The following PKHD1 variants were observed in gnomAD, a reference collection of about 807,000 sequenced individuals.
PKHD1 encodes PKHD1 ciliary IPT domain containing fibrocystin/polyductin.
PKHD1 carries 291 observed loss-of-function variants against 412.0 expected under a neutral mutation model. That is an observed-to-expected ratio of 0.71 (90% CI 0.64 to 0.78). PKHD1 has a LOEUF of 0.78. PKHD1 is among the 30% of genes least tolerant of loss of function. The probability of loss-of-function intolerance (pLI) is 0.00; values close to 1 mark genes in which losing one functional copy is unlikely to be tolerated. For synonymous variants in PKHD1, 1,777 were observed against 1,821.5 expected, an observed-to-expected ratio of 0.98 and a Z score of 0.62; for missense variants, 4,825 against 4,950.7, an observed-to-expected ratio of 0.97 and a Z score of 0.76.
chr6:52,017,175 C>T (rs1451301260), intron 34 of PKHD1, among the ~76,000 whole-genome samples: 2 of 152,168 alleles, frequency 1.3e-5, no homozygotes, highest in Non-Finnish European at 1.5e-5. Flanking sequence ...AAGAACAAAG[C>T]GAGCTGTTTA....
At chr6:51,753,387 T>C (rs747776238) in intron 56 of PKHD1, 34 bp from the exon 57 acceptor site, 2 of 1,595,282 alleles carry the variant, frequency 1.3e-6, no homozygotes, top group Non-Finnish European at 8.6e-7. Flanking sequence ...AAAAAAAACT[T>C]TAAAAACCTG....
intron 52 of PKHD1, among the ~76,000 whole-genome samples, chr6:51,792,615 T>C (rs1793936208): frequency 6.6e-6 from 1 of 152,198 alleles, no homozygotes; most frequent in African/African-American, 2.4e-5. Flanking sequence ...TGTGACTGAG[T>C]TGTAGCCAAT....
chr6:51,831,119 G>A (rs1768174642), intron 51 of PKHD1, 130 bp from the exon 52 acceptor site: 1 of 696,566 alleles, frequency 1.4e-6, no homozygotes, highest in Non-Finnish European at 2.5e-6. Flanking sequence ...ATAAGTTTCT[G>A]TACAAATATT....
intron 36 of PKHD1, among the ~76,000 whole-genome samples, chr6:51,950,680 C>T (rs1790237246): frequency 6.6e-6 from 1 of 152,082 alleles, no homozygotes; most frequent in Admixed American, 6.5e-5. Flanking sequence ...TCACTACTAT[C>T]AGTAAATTAA....
chr6:51,972,175 T>A (rs1353444262), intron 35 of PKHD1, among the ~76,000 whole-genome samples: 1 of 152,136 alleles, frequency 6.6e-6, no homozygotes, highest in Non-Finnish European at 1.5e-5. Flanking sequence ...TTTCTCATTT[T>A]AAAAAAAGAA....
At chr6:51,691,233 T>A (rs974020416) in intron 60 of PKHD1, among the ~76,000 whole-genome samples, 4 of 152,230 alleles carry the variant, frequency 2.6e-5, no homozygotes, top group Admixed American at 2.6e-4. Context: ...CCAGCCATTG[T>A]GGAAGACAGT....
intron 60 of PKHD1, among the ~76,000 whole-genome samples, chr6:51,706,029 TA>T (rs1779977728): frequency 3.9e-5 from 6 of 152,138 alleles, no homozygotes. Context: ...TTACAGATAT[TA>T]AATGCCCCAG....
At chr6:51,805,187 A>G (rs1389615667) in intron 52 of PKHD1, among the ~76,000 whole-genome samples, 1 of 152,192 alleles carries the variant, frequency 6.6e-6, no homozygotes, top group Non-Finnish European at 1.5e-5. Flanking sequence ...GCCATGGAAC[A>G]CTACACAGCC....
chr6:51,858,353 A>T (rs930221459), intron 48 of PKHD1, among the ~76,000 whole-genome samples: 5 of 152,188 alleles, frequency 3.3e-5, no homozygotes. Flanking sequence ...TAATCCCAGG[A>T]TATTTTCCAG....
chr6:52,064,412 A>G (rs1421112676), intron 13 of PKHD1, among the ~76,000 whole-genome samples: 1 of 152,186 alleles, frequency 6.6e-6, no homozygotes, highest in Non-Finnish European at 1.5e-5. Flanking sequence ...TGCCTCCTCC[A>G]TTTCTGCCCA....
At chr6:51,731,757 C>T (rs1048073600) in intron 60 of PKHD1, among the ~76,000 whole-genome samples, 1 of 152,054 alleles carries the variant, frequency 6.6e-6, no homozygotes, top group Non-Finnish European at 1.5e-5. Flanking sequence ...AGAAAAATAT[C>T]CATATGATGA....
At chr6:51,747,708 T>G in intron 58 of PKHD1, 79 bp downstream of exon 58, 4 of 1,287,538 alleles carry the variant, frequency 3.1e-6, no homozygotes, top group Middle Eastern at 2.5e-4. Context: ...TTTTTGTTGA[T>G]AAAATTTCAG....
At chr6:51,742,727 T>C (rs1289808491) in intron 60 of PKHD1, among the ~76,000 whole-genome samples, 1 of 152,120 alleles carries the variant, frequency 6.6e-6, no homozygotes, top group Non-Finnish European at 1.5e-5. Context: ...TCATGAAGTT[T>C]GTGTTCTAAA....
At position 51,912,574 on chromosome 6, in the gene PKHD1, A is replaced by G; in HGVS notation, c.6124T>C (p.Ser2042Pro). 6.2e-7 allele frequency: 1 copy of G among 1,608,034 alleles called. No individual in the cohort carries two copies. Among genetic ancestry groups the G allele is most frequent in the Admixed American group, 1.7e-5 (1 of 59,866 alleles). The change falls in exon 38 of 67, where the codon TCA becomes CCA. Residue 2042 changes from serine to proline, a missense_variant and splice_region_variant. By Grantham distance (74) the Ser-to-Pro change is moderately conservative. Coordinates refer to ENST00000371117, the MANE Select transcript of PKHD1 (RefSeq NM_138694.4). ...CAGGTGACAATTACTTCTGGTAGTG[A>G]ACCTAAAGCAGCCCGAGGAAAAGTT... ...VRNGTLSLHG[S>P]LPEVIVTCLR...
chr6:51,883,867 CA>C (rs1166032003), intron 45 of PKHD1, among the ~76,000 whole-genome samples: 3 of 151,830 alleles, frequency 2.0e-5, no homozygotes, highest in South Asian at 2.1e-4. Flanking sequence ...GTGCTGATTA[CA>C]AAAAAAACTT....
chr6:51,896,139 G>T (rs530173640), intron 43 of PKHD1, among the ~76,000 whole-genome samples: 33 of 152,248 alleles, frequency 2.2e-4, no homozygotes, highest in South Asian at 8.3e-4. Flanking sequence ...AAAGCAGCCC[G>T]GAAGCTCGAA....
intron 63 of PKHD1, among the ~76,000 whole-genome samples, chr6:51,644,088 G>A (rs147287023): frequency 3.6e-4 from 55 of 152,214 alleles, no homozygotes; most frequent in African/African-American, 1.3e-3. Flanking sequence ...TTAATCACGA[G>A]ATGTCAATCG....
At chr6:51,897,464 G>A (rs1780283215) in intron 43 of PKHD1, among the ~76,000 whole-genome samples, 1 of 151,406 alleles carries the variant, frequency 6.6e-6, no homozygotes, top group African/African-American at 2.4e-5. Flanking sequence ...AGCAAATGCT[G>A]AGAGATTTTG....
intron 60 of PKHD1, among the ~76,000 whole-genome samples, chr6:51,717,789 AAG>A (rs1781453878): frequency 6.6e-6 from 1 of 152,212 alleles, no homozygotes; most frequent in Non-Finnish European, 1.5e-5. Context: ...AGACACTGGG[AAG>A]AGAGTGGAAG....
Sources: allele counts gnomAD v4.1 joint callset (sites outside exome capture counted in the v4.1 genomes callset), GRCh38; gene constraint gnomAD v4.1.1; transcripts MANE v1.5; gene names NCBI Gene and HGNC (gene_info 2026-07-23, HGNC 2026-07-21).